NEBL: variants seen among roughly 807,000 people sequenced by gnomAD.
The protein encoded by NEBL is nebulette, also known as LIM and SH3 protein 2.
A neutral mutation model predicts 140.2 loss-of-function variants in NEBL; 122 were observed. That is an observed-to-expected ratio of 0.87 (90% confidence interval 0.75 to 1.01). The LOEUF is 1.01. Ranked by LOEUF, NEBL falls within the 50% of genes least tolerant of loss-of-function variation. The pLI is 0.00. For missense variants in NEBL, 1,365 were observed against 1,231.3 expected (o/e 1.11, Z -1.62); for synonymous variants, 436 against 398.9 (o/e 1.09, Z -1.11).
intron 3 of NEBL, among the ~76,000 whole-genome samples, chr10:21,220,297 G>T (rs1037578453): frequency 6.6e-6 from 1 of 152,156 alleles, no homozygotes; most frequent in African/African-American, 2.4e-5. Flanking sequence ...CATAAAAACA[G>T]ACATATAGAC....
intron 3 of NEBL, among the ~76,000 whole-genome samples, chr10:21,210,080 G>T (rs1841892441): frequency 6.6e-6 from 1 of 152,136 alleles, no homozygotes; most frequent in Non-Finnish European, 1.5e-5. Context: ...TTGAAGCAAG[G>T]TTTCTGTTCC....
intron 26 of NEBL, among the ~76,000 whole-genome samples, chr10:20,799,955 GAGAA>G (rs909867054): frequency 6.7e-6 from 1 of 150,100 alleles, no homozygotes; most frequent in Non-Finnish European, 1.5e-5. Context: ...GTGTGAGACG[GAGAA>G]AGAGAGAGCG....
chr10:21,078,732 T>C (rs149879516), intron 2 of NEBL, among the ~76,000 whole-genome samples: 176 of 152,374 alleles, frequency 1.2e-3, no homozygotes, highest in African/African-American at 4.2e-3. Context: ...GATCATTCTC[T>C]CTATATCCAC....
chr10:20,896,678 C>T (rs1847524900), intron 2 of NEBL, among the ~76,000 whole-genome samples: 2 of 151,838 alleles, frequency 1.3e-5, no homozygotes, highest in South Asian at 4.2e-4. Flanking sequence ...GGAATAAATA[C>T]TGCAATTCAA....
At chr10:21,155,706 G>A (rs1840312149) in intron 2 of NEBL, among the ~76,000 whole-genome samples, 1 of 152,198 alleles carries the variant, frequency 6.6e-6, no homozygotes, top group Non-Finnish European at 1.5e-5. Flanking sequence ...CACCTGAAAA[G>A]ACCAGAAGAG....
At chr10:20,858,087 G>A (rs1221649907) in intron 9 of NEBL, among the ~76,000 whole-genome samples, 153 bp downstream of exon 9, 4 of 152,020 alleles carry the variant, frequency 2.6e-5, no homozygotes, top group African/African-American at 9.7e-5. Flanking sequence ...TGGGATTTCT[G>A]CAAGCAGAGG....
chr10:20,999,943 T>C (rs1564475518), intron 3 of NEBL, among the ~76,000 whole-genome samples: 1 of 151,926 alleles, frequency 6.6e-6, no homozygotes, highest in Non-Finnish European at 1.5e-5. Context: ...CCGTAATGAC[T>C]AAGGAATATA....
rs1455354189 is a variant in NEBL at position 21,026,699 on chromosome 10, CTTATGGGCT to C, written c.165-6507_165-6499del. Among the ~76,000 whole-genome samples the C allele has an allele frequency of 2.6e-5, 4 of 152,290 alleles. No individual in the cohort carries two copies. In the East Asian group the frequency reaches 7.7e-4, roughly 29 times the overall value. ...GAATTTGTTGCTATATGATGATTTC[CTTATGGGCT>C]TTATGTGAAAATGAGTTAACATGGC... On this transcript the variant is annotated intron_variant, in intron 2 of 6. Transcript: ENST00000417816.
At chr10:20,817,337 A>C (rs1254955788) in intron 21 of NEBL, among the ~76,000 whole-genome samples, 1 of 152,208 alleles carries the variant, frequency 6.6e-6, no homozygotes, top group African/African-American at 2.4e-5. Context: ...ACTGCATTCC[A>C]GTCTGGGTGA....
chr10:21,132,429 A>G (rs1839157632), intron 2 of NEBL, among the ~76,000 whole-genome samples: 1 of 152,202 alleles, frequency 6.6e-6, no homozygotes, highest in Non-Finnish European at 1.5e-5. Context: ...GCTGTTATGC[A>G]TAATGCTTCT....
intron 1 of NEBL, among the ~76,000 whole-genome samples, chr10:21,257,555 C>G (rs149384892): frequency 9.8e-5 from 15 of 152,326 alleles, no homozygotes; most frequent in Admixed American, 9.8e-4. Flanking sequence ...AAGTCCTGGT[C>G]TGTTTTCACA....
intron 26 of NEBL, among the ~76,000 whole-genome samples, chr10:20,791,561 G>A (rs1282891471): frequency 2.0e-5 from 3 of 151,424 alleles, no homozygotes; most frequent in Admixed American, 1.3e-4. Flanking sequence ...ATGCCCAGCT[G>A]ATTTTTTTTT....
intron 2 of NEBL, among the ~76,000 whole-genome samples, chr10:21,167,960 T>G (rs916762792): frequency 6.6e-6 from 1 of 152,190 alleles, no homozygotes; most frequent in Non-Finnish European, 1.5e-5. Flanking sequence ...TACACCAGTT[T>G]GTTTTTAAAT....
At chr10:21,094,499 C>CAAAAAAA (rs72278772) in intron 2 of NEBL, among the ~76,000 whole-genome samples, 2 of 63,188 alleles carry the variant, frequency 3.2e-5, no homozygotes, top group Non-Finnish European at 5.8e-5. Flanking sequence ...GACTCCGTCT[C>CAAAAAAA]AAAAAAAAAA....
At chr10:21,063,258 C>G (rs375079046) in intron 2 of NEBL, among the ~76,000 whole-genome samples, 1 of 152,166 alleles carries the variant, frequency 6.6e-6, no homozygotes, top group African/African-American at 2.4e-5. Context: ...TAGAGGCCCA[C>G]GTGCTCACTT....
intron 5 of NEBL, among the ~76,000 whole-genome samples, chr10:20,870,218 C>T (rs1020467053): frequency 2.0e-5 from 3 of 149,294 alleles, no homozygotes; most frequent in South Asian, 4.3e-4. Flanking sequence ...CCCAGCTACT[C>T]GGGAGGCTGA....
At chr10:21,007,608 G>T (rs1838185062) in intron 3 of NEBL, among the ~76,000 whole-genome samples, 1 of 152,094 alleles carries the variant, frequency 6.6e-6, no homozygotes, top group Admixed American at 6.5e-5. Context: ...GCTTAGTGTG[G>T]TTATTTATTA....
At chr10:21,101,925 A>G (rs1837497041) in intron 2 of NEBL, among the ~76,000 whole-genome samples, 1 of 152,246 alleles carries the variant, frequency 6.6e-6, no homozygotes, top group South Asian at 2.1e-4. Context: ...TTTACTGAGC[A>G]CCACTGTGTA....
At chr10:20,916,770 G>C (rs988764063) in intron 4 of NEBL, among the ~76,000 whole-genome samples, 3 of 152,130 alleles carry the variant, frequency 2.0e-5, no homozygotes, top group African/African-American at 7.2e-5. Context: ...GGTATAAAAT[G>C]CGTGCCCATC....
Sources: allele counts gnomAD v4.1 joint callset (sites outside exome capture counted in the v4.1 genomes callset), GRCh38; gene constraint gnomAD v4.1.1; transcripts MANE v1.5; gene names NCBI Gene and HGNC (gene_info 2026-07-23, HGNC 2026-07-21).